Variants in APBB2 observed in about 807,000 individuals in gnomAD.
The protein encoded by APBB2 is amyloid beta precursor protein binding family B member 2.
In APBB2, 38 loss-of-function variants were observed where a neutral mutation model predicts 82.5. The ratio of observed to expected loss-of-function variants is 0.46; its 90% CI spans 0.36 to 0.60. The LOEUF is 0.60. APBB2 is among the 20% of genes least tolerant of loss of function. The probability of loss-of-function intolerance (pLI) is 0.00; values close to 1 mark genes in which losing one functional copy is unlikely to be tolerated. For missense variants in APBB2, 772 were observed against 972.3 expected (o/e 0.79, Z 2.74); for synonymous variants, 341 against 368.2 (o/e 0.93, Z 0.85).
chr4:40,841,641 C>G (rs1755842090), intron 12 of APBB2, among the ~76,000 whole-genome samples: 1 of 152,060 alleles, frequency 6.6e-6, no homozygotes, highest in African/African-American at 2.4e-5. Context: ...CAATCAAATT[C>G]TAGAGAATAT....
At chr4:41,002,557 G>T (rs943949180) in intron 6 of APBB2, among the ~76,000 whole-genome samples, 2 of 152,198 alleles carry the variant, frequency 1.3e-5, no homozygotes, top group Non-Finnish European at 2.9e-5. Context: ...AGTGGGAGCA[G>T]GGGGCTGCAA....
At chr4:40,821,826 G>A (rs778674613) in intron 17 of APBB2, 45 bp downstream of exon 17, 4 of 1,604,072 alleles carry the variant, frequency 2.5e-6, no homozygotes, top group African/African-American at 2.7e-5. Context: ...TATTAGAGAT[G>A]AGCAGAGGCG....
chr4:40,919,743 C>T (rs1780771814), intron 10 of APBB2, among the ~76,000 whole-genome samples: 3 of 152,214 alleles, frequency 2.0e-5, no homozygotes, highest in Non-Finnish European at 4.4e-5. Flanking sequence ...AAAAATTATA[C>T]TTGATGTTTA....
chr4:40,934,352 T>A, intron 10 of APBB2, 104 bp downstream of exon 10: 1 of 1,127,590 alleles, frequency 8.9e-7, no homozygotes, highest in South Asian at 1.4e-5. Context: ...AATTACTTAT[T>A]AAATGGCTCT....
intron 1 of APBB2, among the ~76,000 whole-genome samples, chr4:41,210,979 G>C (rs892572536): frequency 6.6e-6 from 1 of 152,170 alleles, no homozygotes; most frequent in Non-Finnish European, 1.5e-5. Flanking sequence ...AACAGACCAG[G>C]CGTGATGGCT....
intron 12 of APBB2, among the ~76,000 whole-genome samples, chr4:40,852,850 A>G (rs995018755): frequency 6.6e-6 from 1 of 152,168 alleles, no homozygotes; most frequent in African/African-American, 2.4e-5. Flanking sequence ...CACGTTGCCC[A>G]GGCTGGTCTT....
Position 40,832,502 on chromosome 4 carries a change from C to T in APBB2, c.1530-1925G>A, listed in dbSNP as rs529532709. On this transcript the variant is annotated intron_variant, in intron 12 of 17. Transcript: ENST00000508593. This position sits in a 1 kb window ranked among gnomAD's most constrained non-coding sequence, Gnocchi z 4.8. ...AGCTCAGTGTCCTCCATGCTAGAACCGGACTCCCCCTGCCTCACGTGCCAC... is the reference window on the plus strand; with the variant it reads ...AGCTCAGTGTCCTCCATGCTAGAACTGGACTCCCCCTGCCTCACGTGCCAC... 7.9e-5 allele frequency among the ~76,000 whole-genome samples: 12 copies of T among 152,288 alleles called. No individual in the cohort carries two copies. In the East Asian group the frequency reaches 9.6e-4, roughly 12 times the overall value.
At chr4:41,143,397 A>C (rs1478757439) in intron 1 of APBB2, among the ~76,000 whole-genome samples, 1 of 152,208 alleles carries the variant, frequency 6.6e-6, no homozygotes, top group African/African-American at 2.4e-5. Context: ...CTGAAAAGCC[A>C]GATGTTTTAA....
intron 3 of APBB2, among the ~76,000 whole-genome samples, chr4:41,081,034 A>G (rs1453029006): frequency 6.6e-6 from 1 of 152,244 alleles, no homozygotes; most frequent in Non-Finnish European, 1.5e-5. Flanking sequence ...AATTTGACCA[A>G]TTGCCAAACT....
intron 10 of APBB2, among the ~76,000 whole-genome samples, chr4:40,900,150 A>G (rs1007618187): frequency 2.0e-5 from 3 of 152,218 alleles, no homozygotes; most frequent in Admixed American, 1.3e-4. Flanking sequence ...ATGTAATCCT[A>G]ATTAACAGTC....
intron 13 of APBB2, among the ~76,000 whole-genome samples, chr4:40,827,426 T>C (rs760943051): frequency 1.3e-5 from 2 of 152,130 alleles, no homozygotes; most frequent in African/African-American, 2.4e-5. Context: ...GGTGAAAAAC[T>C]ATTCCTCAGA....
intron 6 of APBB2, among the ~76,000 whole-genome samples, chr4:40,950,511 A>C (rs1396079964): frequency 1.3e-5 from 2 of 152,324 alleles, no homozygotes; most frequent in East Asian, 3.9e-4. Flanking sequence ...TAGGAGTTTA[A>C]GACCAGCCTG....
At position 40,864,256 on chromosome 4, in the gene APBB2, AAAAAC is replaced by A. The variant is rs367804062; in HGVS notation, c.1529+26103_1529+26107del. Among the ~76,000 whole-genome samples the A allele has an allele frequency of 1.9e-3, 288 of 150,006 alleles. 2 individuals carry two copies. The highest frequency in any genetic ancestry group is 5.8e-3 in the African/African-American group (239 of 40,860). ...CGACAGAGTGAGACTCCGTCTCAAT[AAAAAC>A]AAAACAAAACAAAACAAAACAAAAC... On this transcript the variant is annotated intron_variant, in intron 12 of 17. Coordinates refer to ENST00000508593, the MANE Select transcript of APBB2 (RefSeq NM_004307.2).
chr4:41,210,244 T>C (rs1038033625), intron 1 of APBB2, among the ~76,000 whole-genome samples: 7 of 152,216 alleles, frequency 4.6e-5, no homozygotes, highest in South Asian at 2.1e-4. Flanking sequence ...TCTCCTCGAA[T>C]GGCTGCATCA....
chr4:40,961,153 G>A (rs1010538673), intron 6 of APBB2, among the ~76,000 whole-genome samples: 1 of 152,042 alleles, frequency 6.6e-6, no homozygotes, highest in Non-Finnish European at 1.5e-5. Context: ...TGAAAGGGAA[G>A]TACATTTTTA....
intron 5 of APBB2, among the ~76,000 whole-genome samples, chr4:41,027,406 A>ATATATAC (rs1714888800): frequency 8.8e-6 from 1 of 114,044 alleles, no homozygotes; most frequent in African/African-American, 3.3e-5. Flanking sequence ...TATATATATA[A>ATATATAC]CATTTTCAAG....
At chr4:40,881,619 T>C (rs1299659415) in intron 12 of APBB2, among the ~76,000 whole-genome samples, 4 of 140,132 alleles carry the variant, frequency 2.9e-5, no homozygotes, top group African/African-American at 1.1e-4. Context: ...CTGCAACCTC[T>C]GCCTCCCAGG....
chr4:40,926,213 G>A (rs1782569605), intron 10 of APBB2, among the ~76,000 whole-genome samples: 1 of 152,148 alleles, frequency 6.6e-6, no homozygotes, highest in African/African-American at 2.4e-5. Flanking sequence ...TTTGTAGACT[G>A]GCAGTATTGG....
chr4:40,915,402 CA>C (rs1242050370), intron 10 of APBB2, among the ~76,000 whole-genome samples: 1 of 152,182 alleles, frequency 6.6e-6, no homozygotes, highest in Non-Finnish European at 1.5e-5. Context: ...TACACAAAGG[CA>C]GGGACTTGGT....
Sources: allele counts gnomAD v4.1 joint callset (sites outside exome capture counted in the v4.1 genomes callset), GRCh38; gene constraint gnomAD v4.1.1; non-coding constraint Gnocchi (gnomAD v3.1); transcripts MANE v1.5; gene names NCBI Gene and HGNC (gene_info 2026-07-23, HGNC 2026-07-21).